The following ANGEL2 variants were observed in gnomAD, a reference collection of about 807,000 sequenced individuals.
The protein encoded by ANGEL2 is angel homolog 2, also known as RNA 2',3'-cyclic phosphatase ANGEL2.
In ANGEL2, 41 loss-of-function variants were observed where a neutral mutation model predicts 66.0. The observed-to-expected ratio is 0.62, with a 90% confidence interval of 0.48 to 0.81. The LOEUF is 0.81. ANGEL2 is among the 30% of genes least tolerant of loss of function. ANGEL2 has a pLI of 0.00. For missense variants in ANGEL2, 561 were observed against 641.6 expected (o/e 0.87, Z 1.36); for synonymous variants, 208 against 226.5 (o/e 0.92, Z 0.73).
chr1:212,995,786 T>G lies in ANGEL2; in HGVS notation c.1484-594A>C, dbSNP rs1244228966. Among the ~76,000 whole-genome samples, 4 of 151,374 alleles carry G rather than the reference T, an allele frequency of 2.6e-5. No individual in the cohort carries two copies. The East Asian group carries it at 7.7e-4, about 29-fold the overall frequency. ...TGGCAGGAATAAGTCATCTCGTGAG[T>G]GTTACTAATAAGGTTATTCCCAGAA... On this transcript the variant is annotated intron_variant, in intron 8 of 8. Coordinates refer to ENST00000366962, the MANE Select transcript of ANGEL2 (RefSeq NM_144567.5).
chr1:212,997,331 G>C lies in ANGEL2; in HGVS notation c.1320-13C>G, dbSNP rs376056624. The C allele has an allele frequency of 1.3e-6, 2 of 1,589,468 alleles. No individual in the cohort carries two copies. Among genetic ancestry groups the C allele is most frequent in the Non-Finnish European group, 1.7e-6 (2 of 1,161,626 alleles). ...ATTTGAAGACAATCTAAATAGAAAA[G>C]AAGAAGTGTTTAGAATCCGAGTTTT... On this transcript the variant is annotated splice_polypyrimidine_tract_variant and intron_variant, in intron 7 of 8. Transcript: ENST00000366962.
intron 8 of ANGEL2, 71 bp downstream of exon 8, chr1:212,997,084 T>C: frequency 7.2e-7 from 1 of 1,385,934 alleles, no homozygotes; most frequent in Non-Finnish European, 9.8e-7. Context: ...TAGAGAGCTT[T>C]CTTAACTTTA....
At chr1:213,008,100 G>C in intron 3 of ANGEL2, 110 bp downstream of exon 3, 2 of 1,239,136 alleles carry the variant, frequency 1.6e-6, no homozygotes, top group South Asian at 3.1e-5. Context: ...CCGACCTCAG[G>C]TGATCCACCT....
In ANGEL2 at chr1:212,994,580, C is replaced by G. The variant is rs1357760811; in HGVS notation, c.*461G>C. 1 of 152,280 alleles carries G rather than the reference C, an allele frequency of 6.6e-6. No homozygotes were observed. Among genetic ancestry groups the G allele is most frequent in the Non-Finnish European group, 1.5e-5 (1 of 68,136 alleles). The allele number at this position is 152,280 out of a possible 1,614,324, so 9.4% of individuals were successfully genotyped here. On this transcript the variant is annotated 3_prime_UTR_variant, in exon 9 of 9. Transcript: ENST00000366962. ...TTGGATACCTGTGAATGACCCAAGG[C>G]TTTCTAAGATAAACTATTTAGAACT...
rs2075932702 is a variant in ANGEL2 at position 212,994,156 on chromosome 1, C to T, written c.*885G>A. ...ATTAGCTGGGAGTGGTGACGCATGC[C>T]TGTAATCCCAGCTACTCGAGAGGCT... On this transcript the variant is annotated 3_prime_UTR_variant, in exon 9 of 9. Coordinates refer to ENST00000366962, the MANE Select transcript of ANGEL2 (RefSeq NM_144567.5). 1 of 152,188 alleles carries T rather than the reference C, an allele frequency of 6.6e-6. No individual in the cohort carries two copies. Among genetic ancestry groups the T allele is most frequent in the African/African-American group, 2.4e-5 (1 of 41,412 alleles). 9.4% of individuals were successfully genotyped at this position (152,188 alleles called of 1,614,324 possible).
chr1:212,996,640 A>AAAAATATAT (rs56102625), intron 8 of ANGEL2, among the ~76,000 whole-genome samples: 2 of 66,476 alleles, frequency 3.0e-5, no homozygotes, highest in African/African-American at 1.4e-4. Context: ...AAAAAAAAAA[A>AAAAATATAT]ATATATATAT....
chr1:213,000,536 C>T, intron 6 of ANGEL2, 153 bp from the exon 7 acceptor site: 1 of 776,054 alleles, frequency 1.3e-6, no homozygotes, highest in Non-Finnish European at 1.9e-6. Context: ...CGATGGCCTC[C>T]AGAATTAGGA....
chr1:212,994,794 T>C lies in ANGEL2; in HGVS notation c.*247A>G, dbSNP rs919257005. The C allele has an allele frequency of 4.1e-5, 11 of 270,176 alleles. No homozygotes were observed. The highest frequency in any genetic ancestry group is 1.1e-3 in the Middle Eastern group (1 of 950). The allele number at this position is 270,176 out of a possible 1,614,324, so 16.7% of individuals were successfully genotyped here. A position where few individuals can be genotyped will look rare whatever the true frequency, so the allele number is the denominator to read the frequency against. On this transcript the variant is annotated 3_prime_UTR_variant, in exon 9 of 9. Coordinates refer to ENST00000366962, the MANE Select transcript of ANGEL2 (RefSeq NM_144567.5). ...CTGTCAATTTTACTAGGATTTAGAA[T>C]ATAAAACCTTTACATCTCTTTTACA...
At position 212,993,816 on chromosome 1, in the gene ANGEL2, A is replaced by T. The variant is rs2075922767; in HGVS notation, c.*1225T>A. 6.6e-6 allele frequency: 1 copy of T among 152,240 alleles called. No homozygotes were observed. Among genetic ancestry groups the T allele is most frequent in the Non-Finnish European group, 1.5e-5 (1 of 68,044 alleles). 9.4% of individuals were successfully genotyped at this position (152,240 alleles called of 1,614,324 possible). A position where few individuals can be genotyped will look rare whatever the true frequency, so the allele number is the denominator to read the frequency against. The stretch of plus-strand genomic sequence containing the variant: ...TACAGAGCATTAGGTCTCCAAGTTA[A>T]TATCTCCCCACTAGAGTTTTACAGG... On this transcript the variant is annotated 3_prime_UTR_variant, in exon 9 of 9. Coordinates refer to ENST00000366962, the MANE Select transcript of ANGEL2 (RefSeq NM_144567.5).
Position 213,008,194 on chromosome 1 carries a change from A to G in ANGEL2, c.642+16T>C. On this transcript the variant is annotated intron_variant, in intron 3 of 8. Transcript: ENST00000366962. ...TTTTTCTTATGTGAAGAATTTCAAT[A>G]ATATTTTGCACTTACGTCTGCATCA... is the stretch of plus-strand genomic sequence containing the variant. The G allele has an allele frequency of 6.2e-7, 1 of 1,603,540 alleles. No individual in the cohort carries two copies. The highest frequency in any genetic ancestry group is 2.2e-5 in the East Asian group (1 of 44,686).
At chr1:213,005,517 C>T in intron 4 of ANGEL2, 63 bp from the exon 5 acceptor site, 3 of 1,424,422 alleles carry the variant, frequency 2.1e-6, no homozygotes, top group Non-Finnish European at 9.5e-7. Flanking sequence ...AAACACAGCT[C>T]ACCTGATACT....
intron 2 of ANGEL2, among the ~76,000 whole-genome samples, chr1:213,011,756 A>T (rs1354523034): frequency 6.6e-6 from 1 of 152,212 alleles, no homozygotes. Context: ...ATCAATGCTT[A>T]TGTAGCTATG....
chr1:212,996,622 CCAAAAAAA>C (rs1474668596), intron 8 of ANGEL2, among the ~76,000 whole-genome samples: 1 of 22,716 alleles, frequency 4.4e-5, no homozygotes, highest in Admixed American at 8.1e-4. Context: ...GACTCTGTAT[CCAAAAAAA>C]AAAAAAAAAA....
intron 1 of ANGEL2, 98 bp downstream of exon 1, chr1:213,015,515 G>GGCCCCCCC: frequency 8.0e-7 from 1 of 1,244,584 alleles, no homozygotes. Context: ...TCCACCCCTA[G>GGCCCCCCC]CCCGCCCCGC....
At position 213,015,755 on chromosome 1, in the gene ANGEL2, G is replaced by C. The variant is rs2076630479; in HGVS notation, c.-84C>G. On this transcript the variant is annotated 5_prime_UTR_variant, in exon 1 of 9. Coordinates refer to ENST00000366962, the MANE Select transcript of ANGEL2 (RefSeq NM_144567.5). ...TCGATGCGACGGCCTAAAGTATCTAGGGAACCCCATCACTCTTAAGTACCG... is the reference window on the plus strand; with the variant it reads ...TCGATGCGACGGCCTAAAGTATCTACGGAACCCCATCACTCTTAAGTACCG... 2 of 1,589,196 alleles carry C rather than the reference G, an allele frequency of 1.3e-6. No individual in the cohort carries two copies. Among genetic ancestry groups the C allele is most frequent in the South Asian group, 2.2e-5 (2 of 90,256 alleles).
chr1:213,006,059 C>T (rs1314242627), intron 4 of ANGEL2, among the ~76,000 whole-genome samples: 2 of 152,156 alleles, frequency 1.3e-5, no homozygotes, highest in African/African-American at 4.8e-5. Flanking sequence ...CTTTCTCCAC[C>T]AGAAGGTACA....
rs369402640 is a variant in ANGEL2, at chr1:212,996,255, T to C, written c.1483+900A>G. ...CTGGGAGGCGGAGCTTGCAGTGAGC[T>C]GAGATAGCGCCACTGCACTCCAGCC... On this transcript the variant is annotated intron_variant, in intron 8 of 8. Transcript: ENST00000366962. Among the ~76,000 whole-genome samples, 1,080 of 152,084 alleles carry C rather than the reference T, an allele frequency of 7.1e-3. 17 individuals are homozygous for C. Among genetic ancestry groups the C allele is most frequent in the South Asian group, 0.053 (255 of 4,804 alleles).
chr1:213,003,207 G>C (rs1012739177), intron 5 of ANGEL2, among the ~76,000 whole-genome samples: 3 of 152,200 alleles, frequency 2.0e-5, no homozygotes, highest in Admixed American at 6.5e-5. Flanking sequence ...TGGCTGGTTT[G>C]ATCTTCTATC....
chr1:213,013,829 T>C (rs938971878), intron 1 of ANGEL2, among the ~76,000 whole-genome samples: 4 of 152,206 alleles, frequency 2.6e-5, no homozygotes, highest in South Asian at 4.1e-4. Flanking sequence ...CACACTACAA[T>C]TAAAGTAAAC....
Sources: gnomAD v4.1 joint callset for allele counts (sites outside exome capture counted in the v4.1 genomes callset) on GRCh38, gnomAD v4.1.1 for gene constraint, MANE v1.5 for transcripts, NCBI Gene and HGNC (gene_info 2026-07-23, HGNC 2026-07-21) for gene names.